Variants in SCRIB observed in about 807,000 individuals in gnomAD.
SCRIB encodes the protein scribble planar cell polarity protein, also known as protein scribble homolog.
A neutral mutation model predicts 170.0 loss-of-function variants in SCRIB; 72 were observed. The ratio of observed to expected loss-of-function variants is 0.42; its 90% CI spans 0.35 to 0.52. The LOEUF is 0.52. Ranked by LOEUF, SCRIB falls within the 20% of genes least tolerant of loss-of-function variation. The pLI is 0.02. For synonymous variants in SCRIB, 1,298 were observed against 1,044.3 expected (o/e 1.24, Z -4.68); for missense variants, 2,475 against 2,338.5 (o/e 1.06, Z -1.20).
rs782065430 is a variant in SCRIB at position 143,803,680 on chromosome 8, G to A, written c.3381C>T (p.Arg1127=). 31 of 1,575,426 alleles carry A rather than the reference G, an allele frequency of 2.0e-5. No homozygotes were observed. The highest frequency in any genetic ancestry group is 1.1e-4 in the Admixed American group (6 of 54,894). ...TGAAGATGCCCTCGTCTGTGGGGTC[G>A]CGGGGGTTGCCAGCGTGGCCCCTGG... ...GGARGHAGNP[R]DPTDEGIFIS... is the part of the protein sequence containing the mutation. Residue 1127 remains arginine (R), a synonymous_variant, in exon 23 of 37, where the codon CGC becomes CGT. Transcript: ENST00000356994.
Position 143,813,370 on chromosome 8 carries a change from G to A in SCRIB, c.508C>T (p.Leu170=), listed in dbSNP as rs746596854. ...ENLLKSLPAS[L]SFLVKLEQLD... Reference sequence around the variant, plus strand: ...TGTTCCAGCTTGACCAGAAATGACAGGGACCTGCAGAGGAAGCAGGGTGGA... The same window carrying A: ...TGTTCCAGCTTGACCAGAAATGACAAGGACCTGCAGAGGAAGCAGGGTGGA... The change falls in exon 6 of 37, where the codon CTG becomes TTG. Residue 170 remains leucine (L), a synonymous_variant. Transcript: ENST00000356994. The A allele has an allele frequency of 1.5e-5, 24 of 1,613,488 alleles. No individual in the cohort carries two copies. Among genetic ancestry groups the A allele is most frequent in the South Asian group, 1.1e-4 (10 of 91,080 alleles).
intron 24 of SCRIB, among the ~76,000 whole-genome samples, chr8:143,798,695 T>C (rs142903485): frequency 6.6e-6 from 1 of 152,288 alleles, no homozygotes; most frequent in East Asian, 1.9e-4. Flanking sequence ...ATGAGTTAAA[T>C]GTAACAGTAC....
At chr8:143,812,540 C>T (rs1296061598) in intron 8 of SCRIB, among the ~76,000 whole-genome samples, 156 bp from the exon 9 acceptor site, 3 of 152,008 alleles carry the variant, frequency 2.0e-5, no homozygotes, top group Admixed American at 6.5e-5. Context: ...GCCCCACAAG[C>T]CTGACCCAAC....
Position 143,812,251 on chromosome 8 carries a change from C to G in SCRIB, c.906+15G>C, listed in dbSNP as rs200883580. On this transcript the variant is annotated intron_variant, in intron 9 of 36. Transcript: ENST00000356994. Reference sequence around the variant, plus strand: ...CGACGGCCCCATCCTTTCTGCCTCCCAAGCCAGACCCTACCATCAGCAGGT... The same window carrying G: ...CGACGGCCCCATCCTTTCTGCCTCCGAAGCCAGACCCTACCATCAGCAGGT... 7 of 1,553,056 alleles carry G rather than the reference C, an allele frequency of 4.5e-6. No homozygotes were observed. Among genetic ancestry groups the G allele is most frequent in the Non-Finnish European group, 6.2e-6 (7 of 1,124,470 alleles).
intron 24 of SCRIB, among the ~76,000 whole-genome samples, chr8:143,798,356 C>A (rs1015465603): frequency 2.4e-5 from 3 of 124,488 alleles, no homozygotes; most frequent in Non-Finnish European, 5.9e-5. Flanking sequence ...ACAGAATGAT[C>A]TCAAGTGGCT....
chr8:143,803,438 G>T lies in SCRIB; in HGVS notation c.3548C>A (p.Thr1183Asn), dbSNP rs569532885. The T allele has an allele frequency of 2.5e-6, 4 of 1,596,758 alleles. No homozygotes were observed. The highest frequency in any genetic ancestry group is 8.5e-7 in the Non-Finnish European group (1 of 1,177,792). ...AVQLLRSVGD[T>N]LTVLVCDGFE... The stretch of plus-strand genomic sequence containing the variant: ...GCCGTCACAGACCAGCACGGTGAGG[G>T]TGTCGCCCACACTGCGGAGCAGCTG... The change falls in exon 24 of 37, where the codon ACC becomes AAC. Residue 1183 changes from threonine (T) to asparagine (N), a missense_variant. Around this residue, in one of 3 missense-constraint regions of SCRIB, gnomAD observed 1,966 missense variants for 1,742.9 expected, o/e 1.13. Transcript: ENST00000356994.
chr8:143,807,997 TTGAGGGCCAGGGAGGGACACACTGGTGC>T (rs1180662222), intron 15 of SCRIB, among the ~76,000 whole-genome samples: 1 of 152,154 alleles, frequency 6.6e-6, no homozygotes, highest in Non-Finnish European at 1.5e-5. Flanking sequence ...GAGAGGAGAC[TTGAGGGCCAGGGAGGGACACACTGGTGC>T]CCCGAAGGCC....
Position 143,811,299 on chromosome 8 carries a change from T to A in SCRIB, c.953A>T (p.Asn318Ile). 1 of 1,612,722 alleles carries A rather than the reference T, an allele frequency of 6.2e-7. No individual in the cohort carries two copies. Among genetic ancestry groups the A allele is most frequent in the Non-Finnish European group, 8.5e-7 (1 of 1,179,858 alleles). The change falls in exon 10 of 37, where the codon AAC becomes ATC. Residue 318 changes from asparagine (N) to isoleucine (I), a missense_variant. Coordinates refer to ENST00000356994, the MANE Select transcript of SCRIB (RefSeq NM_182706.5). ...CGCCTCGAGGTGGTTCCGGTCCACG[T>A]TGAGGTTGGTCAGCTTAGTCAGCTT... ...LGKLTKLTNL[N>I]VDRNHLEALP...
intron 27 of SCRIB, 147 bp downstream of exon 27, chr8:143,794,891 G>C (rs1814872494): frequency 7.3e-6 from 5 of 681,804 alleles, no homozygotes; most frequent in Non-Finnish European, 1.2e-5. Context: ...TGCCAGGCTG[G>C]GGTAGCCTGC....
intron 16 of SCRIB, 118 bp from the exon 17 acceptor site, chr8:143,807,131 G>A (rs1815465761): frequency 8.1e-6 from 6 of 743,746 alleles, no homozygotes; most frequent in Non-Finnish European, 9.1e-6. Flanking sequence ...GCAGCTGAAT[G>A]GGGCCTCATG....
Position 143,813,705 on chromosome 8 carries a change from C to T in SCRIB, c.378G>A (p.Gln126=), listed in dbSNP as rs1215263074. Residue 126 remains glutamine, a synonymous_variant, in exon 4 of 37, where the codon CAG becomes CAA. Transcript: ENST00000356994. ...GGGCCAGGTGAGCCAGGCTGCGCAG[C>T]TGAGTGAAGCCATCAGGGAGCCTGG... The part of the protein sequence containing the change: ...PLSRLPDGFT[Q]LRSLAHLALN... 3.1e-6 allele frequency: 5 copies of T among 1,613,602 alleles called. No individual in the cohort carries two copies.
At chr8:143,807,302 C>A (rs1286672539) in intron 16 of SCRIB, among the ~76,000 whole-genome samples, 1 of 152,202 alleles carries the variant, frequency 6.6e-6, no homozygotes, top group Non-Finnish European at 1.5e-5. Context: ...ACTGCGCTGC[C>A]TCCGCAGGCA....
At position 143,804,623 on chromosome 8, in the gene SCRIB, G is replaced by C. The variant is rs782424547; in HGVS notation, c.2954C>G (p.Pro985Arg). 3.0e-5 allele frequency: 46 copies of C among 1,524,634 alleles called. No individual in the cohort carries two copies. The Admixed American group carries it at 4.8e-4, about 16-fold the overall frequency. The allele number at this position is 1,524,634 out of a possible 1,614,324, so 94.4% of individuals were successfully genotyped here. A position where few individuals can be genotyped will look rare whatever the true frequency, so the allele number is the denominator to read the frequency against. ...AGCCAGCAGGCTGGGGGCCAGGCTC[G>C]GCAACCCAGGCACCCCGGGGGTGGC... ...TTATPGVPGL[P>R]SLAPSLLAAA... The change falls in exon 21 of 37, where the codon CCG (proline) becomes CGG (arginine). Residue 985 changes from proline (P) to arginine (R), a missense_variant. Coordinates refer to ENST00000356994, the MANE Select transcript of SCRIB (RefSeq NM_182706.5).
At chr8:143,806,825 G>A (rs1046911584) in intron 17 of SCRIB, 99 bp downstream of exon 17, 39 of 877,460 alleles carry the variant, frequency 4.4e-5, no homozygotes, top group East Asian at 4.3e-4. Flanking sequence ...TCCCCAGAGC[G>A]TGTGAGTGTT....
chr8:143,809,511 A>G, intron 14 of SCRIB, 40 bp downstream of exon 14: 5 of 1,585,604 alleles, frequency 3.2e-6, no homozygotes, highest in Non-Finnish European at 4.3e-6. Flanking sequence ...GCCCCCACCC[A>G]GCAGGCCCAG....
rs1587531111 is a variant in SCRIB, at chr8:143,805,558, C to T, written c.2347-123G>A. On this transcript the variant is annotated intron_variant, in intron 18 of 36. Coordinates refer to ENST00000356994, the MANE Select transcript of SCRIB (RefSeq NM_182706.5). Reference sequence around the variant, plus strand: ...GAGGCACAGGGCGAGGGGAAAGGCCCCAGGCGCTGACATCACCCGAGACCT... The same window carrying T: ...GAGGCACAGGGCGAGGGGAAAGGCCTCAGGCGCTGACATCACCCGAGACCT... 8 of 1,016,596 alleles carry T rather than the reference C, an allele frequency of 7.9e-6. No homozygotes were observed. In the East Asian group the frequency reaches 2.4e-4, roughly 30 times the overall value. The allele number at this position is 1,016,596 out of a possible 1,614,324, so 63.0% of individuals were successfully genotyped here.
chr8:143,810,777 C>A lies in SCRIB; in HGVS notation c.1313G>T (p.Ser438Ile), dbSNP rs926800847. 1 of 1,604,730 alleles carries A rather than the reference C, an allele frequency of 6.2e-7. No individual in the cohort carries two copies. Among genetic ancestry groups the A allele is most frequent in the Non-Finnish European group, 8.5e-7 (1 of 1,177,932 alleles). ...GQQGSLSETW[S>I]DAPPSRVSVI... Reference sequence around the variant, plus strand: ...GCTGACGCGGCTCGGCGGGGCATCGCTCCAGGTCTCCGAGAGGCTCCCCTG... The same window carrying A: ...GCTGACGCGGCTCGGCGGGGCATCGATCCAGGTCTCCGAGAGGCTCCCCTG... The change falls in exon 12 of 37, where the codon AGC becomes ATC. Residue 438 changes from serine to isoleucine, a missense_variant. Transcript: ENST00000356994.
chr8:143,806,021 T>C (rs2130088779), intron 18 of SCRIB, among the ~76,000 whole-genome samples: 1 of 152,104 alleles, frequency 6.6e-6, no homozygotes, highest in Non-Finnish European at 1.5e-5. Flanking sequence ...AGGACTCCCA[T>C]ACAGGGTCCA....
At position 143,812,797 on chromosome 8, in the gene SCRIB, G is replaced by C. The variant is rs140888509; in HGVS notation, c.787+20C>G. On this transcript the variant is annotated intron_variant, in intron 8 of 36. Coordinates refer to ENST00000356994, the MANE Select transcript of SCRIB (RefSeq NM_182706.5). The stretch of plus-strand genomic sequence containing the variant: ...GCCAGGCTCCGTGTGCCCCACCCAG[G>C]CACCCCCAGGCACACTAACCGATGC... The C allele has an allele frequency of 1.2e-5, 19 of 1,591,518 alleles. No homozygotes were observed. In the African/African-American group the frequency reaches 1.7e-4, roughly 15 times the overall value.
Sources: gnomAD v4.1 joint callset for allele counts (sites outside exome capture counted in the v4.1 genomes callset) on GRCh38, gnomAD v4.1.1 for gene constraint, gnomAD v4.1.1 regional missense constraint, MANE v1.5 for transcripts, NCBI Gene and HGNC (gene_info 2026-07-23, HGNC 2026-07-21) for gene names.